The following F9 variants were observed in gnomAD, a reference collection of about 807,000 sequenced individuals.
F9 encodes the protein coagulation factor IX.
In F9, 2 loss-of-function variants were observed where a neutral mutation model predicts 34.1. The observed-to-expected ratio is 0.06, with a 90% CI of 0.02 to 0.18. The LOEUF (loss-of-function observed/expected upper bound fraction) is 0.18, where lower values mean the gene tolerates loss of function less well. Among genes scored for constraint, F9 ranks in the 10% least tolerant of loss-of-function variants. F9 has a pLI of 1.00. For missense variants in F9, 216 were observed against 345.1 expected (o/e 0.63, Z 2.96); for synonymous variants, 137 against 118.8 (o/e 1.15, Z -1.00).
At chrX:139,561,341 C>A (rs1341857915) in intron 7 of F9, among the ~76,000 whole-genome samples, 183 bp from the exon 8 acceptor site, 1 of 111,826 alleles carries the variant, frequency 8.9e-6, no homozygotes, top group Non-Finnish European at 1.9e-5. Flanking sequence ...CTATGATAGT[C>A]CTGAATGGCT....
At chrX:139,536,313 A>G (rs2148355722) in intron 1 of F9, among the ~76,000 whole-genome samples, 1 of 106,067 alleles carries the variant, frequency 9.4e-6, no homozygotes, top group African/African-American at 3.5e-5. Context: ...AGAGGAGAGG[A>G]GAGGAAGGAG....
intron 6 of F9, among the ~76,000 whole-genome samples, chrX:139,556,047 C>G (rs1488315130): frequency 9.0e-6 from 1 of 111,311 alleles, no homozygotes; most frequent in Non-Finnish European, 1.9e-5. Context: ...CCCACATTTC[C>G]GAAGAACTAT....
chrX:139,550,093 G>GAACCACCTCC (rs1385442328), intron 5 of F9, among the ~76,000 whole-genome samples: 1 of 111,566 alleles, frequency 9.0e-6, no homozygotes, highest in Non-Finnish European at 1.9e-5. Flanking sequence ...ACAGAATTGA[G>GAACCACCTCC]AACCACCTCC....
At chrX:139,541,849 G>A (rs1463084415) in intron 4 of F9, among the ~76,000 whole-genome samples, 4 of 111,747 alleles carry the variant, frequency 3.6e-5, no homozygotes, top group African/African-American at 1.3e-4. Context: ...TCTTCTCAAA[G>A]CCTAGATTAT....
At chrX:139,549,206 G>A (rs1927785961) in intron 5 of F9, among the ~76,000 whole-genome samples, 1 of 111,459 alleles carries the variant, frequency 9.0e-6, no homozygotes, top group African/African-American at 3.3e-5. Context: ...TTTGATAAAT[G>A]AGGGGCTTTT....
intron 1 of F9, among the ~76,000 whole-genome samples, 177 bp downstream of exon 1, chrX:139,531,029 T>C (rs755767174): frequency 1.8e-5 from 2 of 112,182 alleles, no homozygotes; most frequent in Non-Finnish European, 3.8e-5. Context: ...TTTCTTCTTC[T>C]TCATTTTTAA....
At chrX:139,530,937 G>T (rs1927332634) in intron 1 of F9, 85 bp downstream of exon 1, 4 of 838,060 alleles carry the variant, frequency 4.8e-6, no homozygotes, top group Non-Finnish European at 5.3e-6. Flanking sequence ...ACTAAATTTT[G>T]ATTACATGAT....
intron 4 of F9, chrX:139,547,372 A>G (rs1359420548): frequency 1.8e-5 from 2 of 111,735 alleles, no homozygotes; most frequent in African/African-American, 6.5e-5. Context: ...ACTGGACTAT[A>G]TTAAAACTAA....
At chrX:139,556,849 C>T (rs1006631743) in intron 6 of F9, among the ~76,000 whole-genome samples, 1 of 112,473 alleles carries the variant, frequency 8.9e-6, no homozygotes, top group African/African-American at 3.2e-5. Flanking sequence ...GCAAGCTGTA[C>T]ATCACAAACA....
At chrX:139,553,501 G>A (rs1927890817) in intron 6 of F9, among the ~76,000 whole-genome samples, 1 of 111,185 alleles carries the variant, frequency 9.0e-6, no homozygotes, top group South Asian at 3.8e-4. Context: ...ATCTTCCTTG[G>A]GTTTGTGGGA....
Position 139,537,379 on chromosome X carries a change from G to A in F9, c.270G>A (p.Gln90=). 1 of 1,185,715 alleles carries A rather than the reference G, an allele frequency of 8.4e-7. No individual in the cohort carries two copies. The highest frequency in any genetic ancestry group is 1.1e-6 in the Non-Finnish European group (1 of 872,362). ...CTTTATAGACTGAATTTTGGAAGCA[G>A]TATGTTGGTAAGCAATTCATTTTAT... ...NTERTTEFWK[Q]YVDGDQCESN... The change falls in exon 3 of 8, where the codon CAG becomes CAA. Residue 90 remains glutamine (Q), a synonymous_variant. Transcript: ENST00000218099.
rs191921338 is a variant in F9 at position 139,537,619 on chromosome X, C to T, written c.277+233C>T. 4.4e-3 allele frequency among the ~76,000 whole-genome samples: 486 copies of T among 111,473 alleles called. 4 individuals are homozygous for T. The highest frequency in any genetic ancestry group is 6.4e-3 in the Non-Finnish European group (338 of 53,029). On this transcript the variant is annotated intron_variant, in intron 3 of 7. Transcript: ENST00000218099. ...TAGGGCTTCACAAAGAACATTGTTC[C>T]ACCCCAGGAGGGTGGAAGGAAGAAA...
At position 139,537,026 on chromosome X, in the gene F9, A is replaced by G; in HGVS notation, c.105A>G (p.Glu35=). ...ACATTTCAGTTTTTCTTGATCATGA[A>G]AACGCCAACAAAATTCTGAATCGGC... The part of the protein sequence containing the change: ...SAECTVFLDH[E]NANKILNRPK... The change falls in exon 2 of 8, where the codon GAA becomes GAG. Residue 35 remains glutamate (E), a synonymous_variant. Coordinates refer to ENST00000218099, the MANE Select transcript of F9 (RefSeq NM_000133.4). 8.3e-7 allele frequency: 1 copy of G among 1,207,949 alleles called. No individual in the cohort carries two copies. The highest frequency in any genetic ancestry group is 1.1e-6 in the Non-Finnish European group (1 of 893,472).
chrX:139,541,022 C>T (rs1041581597), intron 3 of F9, 54 bp from the exon 4 acceptor site: 2 of 904,332 alleles, frequency 2.2e-6, no homozygotes, highest in Non-Finnish European at 3.2e-6. Context: ...CAGGGGAGGA[C>T]CGGGCATTCT....
chrX:139,547,593 A>G (rs1244792408), intron 4 of F9: 1 of 111,697 alleles, frequency 9.0e-6, no homozygotes, highest in Non-Finnish European at 1.9e-5. Flanking sequence ...ATAAGCCAGT[A>G]AAAAGGCATG....
chrX:139,542,663 C>G (rs957507333), intron 4 of F9, among the ~76,000 whole-genome samples: 5 of 111,752 alleles, frequency 4.5e-5, no homozygotes, highest in African/African-American at 6.5e-5. Context: ...ACATAAATAT[C>G]TTTACCTAGT....
chrX:139,546,410 C>T lies in F9; in HGVS notation c.392-1953C>T, dbSNP rs4149705. Among the ~76,000 whole-genome samples the T allele has an allele frequency of 3.7e-3, 409 of 111,680 alleles. 3 individuals are homozygous for T. The highest frequency in any genetic ancestry group is 0.013 in the African/African-American group (389 of 30,770). On this transcript the variant is annotated intron_variant, in intron 4 of 7. Coordinates refer to ENST00000218099, the MANE Select transcript of F9 (RefSeq NM_000133.4). ...TCCAGATTCTACTTTTATAGGTAAC[C>T]TGTTAAACAGTCTAGCTCTGGAAGC...
chrX:139,541,501 G>A (rs1363815216), intron 4 of F9, among the ~76,000 whole-genome samples: 4 of 111,476 alleles, frequency 3.6e-5, no homozygotes, highest in East Asian at 5.7e-4. Flanking sequence ...CAACTCCAAC[G>A]GCCAAAAATT....
At chrX:139,561,042 A>G (rs1928089447) in intron 7 of F9, among the ~76,000 whole-genome samples, 187 bp downstream of exon 7, 1 of 111,411 alleles carries the variant, frequency 9.0e-6, no homozygotes, top group Non-Finnish European at 1.9e-5. Flanking sequence ...ATATACCCCT[A>G]TTATCACTCA....
Sources: gnomAD v4.1 joint callset for allele counts (sites outside exome capture counted in the v4.1 genomes callset) on GRCh38, gnomAD v4.1.1 for gene constraint, MANE v1.5 for transcripts, NCBI Gene and HGNC (gene_info 2026-07-23, HGNC 2026-07-21) for gene names.